OBP2B: variants seen among roughly 807,000 people sequenced by gnomAD.
The protein encoded by OBP2B is odorant binding protein 2B.
A neutral mutation model predicts 21.7 loss-of-function variants in OBP2B; 10 were observed. The ratio of observed to expected loss-of-function variants is 0.46; its 90% confidence interval spans 0.28 to 0.78. The LOEUF (loss-of-function observed/expected upper bound fraction) is 0.78. Among genes scored for constraint, OBP2B ranks in the 30% least tolerant of loss-of-function variants. The pLI, the probability that OBP2B is intolerant of heterozygous loss-of-function variation, is 0.11. For synonymous variants in OBP2B, 73 were observed against 91.5 expected (o/e 0.80, Z 1.16); for missense variants, 153 against 217.7 (o/e 0.70, Z 1.87).
At chr9:133,206,180 C>T (rs566116883) in intron 5 of OBP2B, 135 bp downstream of exon 5, 18 of 1,177,700 alleles carry the variant, frequency 1.5e-5, no homozygotes, top group Middle Eastern at 3.9e-4. Flanking sequence ...AAACAGGGCC[C>T]GGGAGCCCCT....
At position 133,209,030 on chromosome 9, in the gene OBP2B, C is replaced by A. The variant is rs1303217870; in HGVS notation, c.72+98G>T. 7 of 1,469,516 alleles carry A rather than the reference C, an allele frequency of 4.8e-6. No homozygotes were observed. The highest frequency in any genetic ancestry group is 6.5e-6 in the Non-Finnish European group (7 of 1,082,602). The allele number at this position is 1,469,516 out of a possible 1,614,324, so 91.0% of individuals were successfully genotyped here. On this transcript the variant is annotated intron_variant, in intron 1 of 6. Coordinates refer to ENST00000372034, the MANE Select transcript of OBP2B (RefSeq NM_014581.4). This position sits in a 1 kb window ranked among gnomAD's most constrained non-coding sequence, Gnocchi z 6.0. ...AGGCTGGGAGCACGGGGTCAGAAGC[C>A]AGCCTTCAGTGACACCTCCTAAAGC... is the stretch of plus-strand genomic sequence containing the variant.
At chr9:133,209,570 C>T (rs1833866924), upstream of OBP2B, among the ~76,000 whole-genome samples, 1 of 152,182 alleles carries the variant, frequency 6.6e-6, no homozygotes, top group African/African-American at 2.4e-5. This position sits in a 1 kb window ranked among gnomAD's most constrained non-coding sequence, Gnocchi z 6.0. Context: ...ACTCCCTCAC[C>T]AACCCCTGCA....
At chr9:133,212,024 T>G (rs773621706), upstream of OBP2B, among the ~76,000 whole-genome samples, 45 of 152,242 alleles carry the variant, frequency 3.0e-4, no homozygotes, top group Middle Eastern at 3.4e-3. Context: ...ATATAAACAT[T>G]AATCAAAAGA....
upstream of OBP2B, among the ~76,000 whole-genome samples, chr9:133,210,208 C>A (rs1245857087): frequency 6.6e-6 from 1 of 152,130 alleles, no homozygotes; most frequent in African/African-American, 2.4e-5. Context: ...CCTCCCGGAC[C>A]CTGCATTTCC....
At chr9:133,219,410 C>T in the OBP2B span, among the ~76,000 whole-genome samples, 1 of 152,168 alleles carries the variant, frequency 6.6e-6, no homozygotes, top group Non-Finnish European at 1.5e-5. Context: ...ATAAAATACA[C>T]TTATAACTCA....
chr9:133,221,169 A>G, the OBP2B span, among the ~76,000 whole-genome samples: 4 of 152,256 alleles, frequency 2.6e-5, no homozygotes, highest in Non-Finnish European at 2.9e-5. Context: ...CCCATGCACC[A>G]TCGGCTGAAG....
the OBP2B span, among the ~76,000 whole-genome samples, chr9:133,219,798 A>G: frequency 6.6e-6 from 1 of 152,248 alleles, no homozygotes; most frequent in African/African-American, 2.4e-5. Flanking sequence ...AAATGAAAAC[A>G]TATGTTCCCA....
At chr9:133,208,366 A>G in intron 2 of OBP2B, 103 bp downstream of exon 2, 1 of 1,598,824 alleles carries the variant, frequency 6.3e-7, no homozygotes, top group South Asian at 1.1e-5. Flanking sequence ...GCAGGGGGTG[A>G]CTCTTCCCAA....
At position 133,208,429 on chromosome 9, in the gene OBP2B, C is replaced by T. The variant is rs571573115; in HGVS notation, c.206+40G>A. 8.1e-6 allele frequency: 13 copies of T among 1,600,168 alleles called. No homozygotes were observed. The African/African-American group carries it at 9.4e-5, about 12-fold the overall frequency. On this transcript the variant is annotated intron_variant, in intron 2 of 6. Coordinates refer to ENST00000372034, the MANE Select transcript of OBP2B (RefSeq NM_014581.4). The stretch of plus-strand genomic sequence containing the variant: ...CACCAGGTGGATCTGGGGAGGGGAG[C>T]GAAAGTGGCCTGAGGGGCCCTGCAG...
At chr9:133,221,196 A>G in the OBP2B span, among the ~76,000 whole-genome samples, 2 of 152,184 alleles carry the variant, frequency 1.3e-5, no homozygotes, top group East Asian at 1.9e-4. Flanking sequence ...ATGAATATCT[A>G]TTCCCAGTCC....
At chr9:133,209,878 G>C (rs184070297), upstream of OBP2B, among the ~76,000 whole-genome samples, 5,172 of 152,146 alleles carry the variant, frequency 0.034, 303 homozygotes, top group African/African-American at 0.12. The surrounding 1 kb of genome is among the most constrained non-coding windows in gnomAD (Gnocchi z 6.0). Context: ...CCGCCTCCCC[G>C]ACCCCGCTTC....
At chr9:133,220,400 G>A in the OBP2B span, among the ~76,000 whole-genome samples, 1 of 152,192 alleles carries the variant, frequency 6.6e-6, no homozygotes, top group African/African-American at 2.4e-5. Flanking sequence ...TCACTCCCCG[G>A]AGACACCCTG....
At chr9:133,221,416 G>A in the OBP2B span, among the ~76,000 whole-genome samples, 2 of 152,262 alleles carry the variant, frequency 1.3e-5, no homozygotes, top group East Asian at 1.9e-4. Flanking sequence ...GCATCTCGTC[G>A]ATAGAAAATG....
chr9:133,207,443 G>A, intron 3 of OBP2B, 107 bp from the exon 4 acceptor site: 2 of 753,470 alleles, frequency 2.7e-6, no homozygotes, highest in Admixed American at 4.6e-5. Context: ...TGGACAGCCT[G>A]AGCCAGGCCT....
upstream of OBP2B, among the ~76,000 whole-genome samples, chr9:133,210,159 C>T (rs1274761691): frequency 6.6e-6 from 1 of 152,086 alleles, no homozygotes; most frequent in Non-Finnish European, 1.5e-5. Context: ...CTCTGCTGGC[C>T]TCATCCCCAG....
At chr9:133,208,658 C>G in intron 1 of OBP2B, 56 bp from the exon 2 acceptor site, 2 of 1,543,048 alleles carry the variant, frequency 1.3e-6, no homozygotes, top group Non-Finnish European at 1.8e-6. Context: ...CTACTCTGAC[C>G]CTGGCACTCA....
Position 133,209,110 on chromosome 9 carries a change from C to T in OBP2B, c.72+18G>A. 1 of 1,612,130 alleles carries T rather than the reference C, an allele frequency of 6.2e-7. No individual in the cohort carries two copies. The highest frequency in any genetic ancestry group is 1.1e-5 in the South Asian group (1 of 90,702). ...AGTCCGCCTGGCTCCTCCATCCGCC[C>T]ACGCCAACCCAGCTCACATCCTCCT... On this transcript the variant is annotated intron_variant, in intron 1 of 6. Coordinates refer to ENST00000372034, the MANE Select transcript of OBP2B (RefSeq NM_014581.4). The surrounding 1 kb of genome is among the most constrained non-coding windows in gnomAD (Gnocchi z 6.0).
the OBP2B span, among the ~76,000 whole-genome samples, chr9:133,215,875 G>A: frequency 6.6e-6 from 1 of 152,180 alleles, no homozygotes; most frequent in East Asian, 1.9e-4. Context: ...GACATCCACA[G>A]ACAAAACCAC....
At chr9:133,215,678 C>A in the OBP2B span, among the ~76,000 whole-genome samples, 1 of 152,120 alleles carries the variant, frequency 6.6e-6, no homozygotes, top group Admixed American at 6.5e-5. Flanking sequence ...ACCACCATAC[C>A]CAGCTACAGG....
Sources: gnomAD v4.1 joint callset for allele counts (sites outside exome capture counted in the v4.1 genomes callset) on GRCh38, gnomAD v4.1.1 for gene constraint, Gnocchi (gnomAD v3.1) non-coding constraint, MANE v1.5 for transcripts, NCBI Gene and HGNC (gene_info 2026-07-23, HGNC 2026-07-21) for gene names.